ARMC3: variants seen among roughly 807,000 people sequenced by gnomAD.
ARMC3 encodes the protein armadillo repeat containing 3, also known as armadillo repeat-containing protein 3.
ARMC3 carries 74 observed loss-of-function variants against 90.3 expected under a neutral mutation model. The ratio of observed to expected loss-of-function variants is 0.82; its 90% CI spans 0.68 to 0.99. The LOEUF is 0.99. Ranked by LOEUF, ARMC3 falls within the 50% of genes least tolerant of loss-of-function variation. ARMC3 has a pLI of 0.00. For missense variants in ARMC3, 958 were observed against 1,042.8 expected, an observed-to-expected ratio of 0.92 and a Z score of 1.12; for synonymous variants, 334 against 361.8, an observed-to-expected ratio of 0.92 and a Z score of 0.87.
intron 13 of ARMC3, among the ~76,000 whole-genome samples, chr10:23,004,013 G>GGTGGCA (rs1837453844): frequency 1.3e-5 from 2 of 152,028 alleles, no homozygotes; most frequent in Non-Finnish European, 2.9e-5. Context: ...AGCTGGGTAT[G>GGTGGCA]GTGGCATGCA....
rs575036468 is a variant in ARMC3, at chr10:23,014,679, C to T, written c.2045+5748C>T. Among the ~76,000 whole-genome samples, 45 of 152,104 alleles carry T rather than the reference C, an allele frequency of 3.0e-4. No individual in the cohort carries two copies. The East Asian group carries it at 8.3e-3, about 28-fold the overall frequency. On this transcript the variant is annotated intron_variant, in intron 16 of 18. Transcript: ENST00000298032. ...CATGGATGGAGCTGGAAGTCATTAT[C>T]CTTAGCAAACTGATGTAGGAACAGA...
rs762886786 is a variant in ARMC3 at position 23,002,055 on chromosome 10, G to A, written c.1562G>A (p.Gly521Glu). Reference protein sequence around the residue: ...ELTANELCRLGALDILEEVNV... With the variant: ...ELTANELCRLEALDILEEVNV... ...ACGGCCAATGAATTATGCAGGCTCGGGTGAGTGGATGCCATCTCAAGTTTC... is the reference window on the plus strand; with the variant it reads ...ACGGCCAATGAATTATGCAGGCTCGAGTGAGTGGATGCCATCTCAAGTTTC... Residue 521 changes from glycine to glutamate, a missense_variant and splice_region_variant, in exon 12 of 19, where the codon GGG (glycine) becomes GAG (glutamate). Physicochemically the swap from Gly to Glu is moderately conservative, Grantham distance 98. Transcript: ENST00000298032. 1.2e-6 allele frequency: 2 copies of A among 1,613,186 alleles called. No individual in the cohort carries two copies. Among genetic ancestry groups the A allele is most frequent in the Admixed American group, 3.3e-5 (2 of 59,918 alleles).
intron 16 of ARMC3, among the ~76,000 whole-genome samples, chr10:23,017,258 C>T (rs1838316676): frequency 6.6e-6 from 1 of 152,070 alleles, no homozygotes; most frequent in African/African-American, 2.4e-5. Flanking sequence ...ACTTTTTGTA[C>T]TTGTTAAAAC....
rs1564370129 is a variant in ARMC3 at position 22,981,603 on chromosome 10, CA to C, written c.1079del (p.Gln360ArgfsTer2). 1.2e-6 allele frequency: 2 copies of C among 1,614,070 alleles called. No homozygotes were observed. Among genetic ancestry groups the C allele is most frequent in the South Asian group, 2.2e-5 (2 of 91,056 alleles). On this transcript the variant is annotated frameshift_variant, in exon 10 of 19. Transcript: ENST00000298032. LOFTEE classifies it high-confidence loss of function. ...KDFFNNQGIP[Q>X]LIQLLKSDNE... ...CCTTTCTCTTTCTGTAGGGATTCCA[CA>C]GTTAATTCAGTTGCTAAAAAGTGAC...
chr10:22,992,545 G>A (rs1454821767), intron 10 of ARMC3, among the ~76,000 whole-genome samples: 2 of 151,966 alleles, frequency 1.3e-5, no homozygotes, highest in East Asian at 1.9e-4. Context: ...CAATTAATTG[G>A]TTGTCTCCCT....
intron 4 of ARMC3, 52 bp downstream of exon 4, chr10:22,955,984 C>A: frequency 6.9e-7 from 1 of 1,453,654 alleles, no homozygotes. Flanking sequence ...AATGCATTAT[C>A]ATTCTTTTAA....
intron 2 of ARMC3, among the ~76,000 whole-genome samples, chr10:22,937,631 G>T (rs978985492): frequency 5.3e-5 from 8 of 152,160 alleles, no homozygotes; most frequent in Admixed American, 2.0e-4. Context: ...TGTACTCCAA[G>T]TATTTTGCAT....
At chr10:22,943,872 T>G (rs1043143119) in intron 2 of ARMC3, among the ~76,000 whole-genome samples, 1 of 151,060 alleles carries the variant, frequency 6.6e-6, no homozygotes, top group African/African-American at 2.4e-5. Context: ...AGGTGGAGGT[T>G]GCAGTGAGCC....
chr10:22,957,769 T>C (rs1228985420), intron 4 of ARMC3, among the ~76,000 whole-genome samples: 1 of 152,178 alleles, frequency 6.6e-6, no homozygotes, highest in African/African-American at 2.4e-5. Flanking sequence ...GGATTATCTG[T>C]GTAACAATTC....
intron 4 of ARMC3, among the ~76,000 whole-genome samples, chr10:22,957,191 G>A (rs886946751): frequency 2.0e-5 from 3 of 151,758 alleles, no homozygotes; most frequent in East Asian, 1.9e-4. Flanking sequence ...CCCATCCACC[G>A]CCCGCCATTT....
intron 10 of ARMC3, among the ~76,000 whole-genome samples, chr10:22,987,091 T>C (rs1313497910): frequency 6.6e-6 from 1 of 152,228 alleles, no homozygotes; most frequent in Admixed American, 6.5e-5. Flanking sequence ...CACATATCTT[T>C]TCTTGGTATA....
At chr10:22,964,506 CTCTGCTCACTGCAATT>C (rs1835365677) in intron 7 of ARMC3, among the ~76,000 whole-genome samples, 2 of 149,542 alleles carry the variant, frequency 1.3e-5, no homozygotes, top group African/African-American at 5.0e-5. Context: ...GTGGCACGAT[CTCTGCTCACTGCAATT>C]TCTGCCTCCT....
At chr10:22,958,847 A>C (rs1835065872) in intron 4 of ARMC3, among the ~76,000 whole-genome samples, 1 of 151,934 alleles carries the variant, frequency 6.6e-6, no homozygotes, top group African/African-American at 2.4e-5. Context: ...TCAGCCTCCC[A>C]AGTAGCTGGG....
At chr10:23,003,167 C>G in intron 12 of ARMC3, 79 bp from the exon 13 acceptor site, 2 of 1,303,292 alleles carry the variant, frequency 1.5e-6, no homozygotes, top group Non-Finnish European at 2.1e-6. Flanking sequence ...CCTTCAGGAT[C>G]TGAAGTCGGT....
chr10:22,998,361 C>A lies in ARMC3; in HGVS notation c.1389C>A (p.Val463=). ...TGCAGAGCAAAGCTGCTCTCGCTGT[C>A]ACCGCAACTGCGTGTGACGTTGAAG... is the stretch of plus-strand genomic sequence containing the variant. ...TVVQSKAALA[V]TATACDVEAR... The change falls in exon 11 of 19, where the codon GTC becomes GTA. Residue 463 remains valine (V), a synonymous_variant. Transcript: ENST00000298032. 6.2e-7 allele frequency: 1 copy of A among 1,614,090 alleles called. No individual in the cohort carries two copies. Among genetic ancestry groups the A allele is most frequent in the South Asian group, 1.1e-5 (1 of 91,034 alleles).
chr10:22,968,567 A>G, intron 8 of ARMC3, 78 bp downstream of exon 8: 2 of 1,309,400 alleles, frequency 1.5e-6, no homozygotes, highest in Admixed American at 2.8e-5. Flanking sequence ...TGGCGTGATC[A>G]CAGCTCACTG....
chr10:22,939,739 A>G (rs1468350645), intron 2 of ARMC3, among the ~76,000 whole-genome samples: 1 of 152,208 alleles, frequency 6.6e-6, no homozygotes, highest in Admixed American at 6.5e-5. Flanking sequence ...AGTATCCAAT[A>G]CAAAATTGTT....
At chr10:22,972,837 T>A (rs998114859) in intron 8 of ARMC3, among the ~76,000 whole-genome samples, 2 of 152,200 alleles carry the variant, frequency 1.3e-5, no homozygotes, top group Non-Finnish European at 2.9e-5. Context: ...TATAGATAGG[T>A]TGATTTATCA....
At chr10:22,947,769 G>A (rs1834592315) in intron 3 of ARMC3, among the ~76,000 whole-genome samples, 1 of 152,106 alleles carries the variant, frequency 6.6e-6, no homozygotes, top group Admixed American at 6.6e-5. Context: ...CAAAGTCTTT[G>A]TACTGTCTTT....
Sources: allele counts gnomAD v4.1 joint callset (sites outside exome capture counted in the v4.1 genomes callset), GRCh38; gene constraint gnomAD v4.1.1; transcripts MANE v1.5; gene names NCBI Gene and HGNC (gene_info 2026-07-23, HGNC 2026-07-21).